LY96: variants seen among roughly 807,000 people sequenced by gnomAD.
LY96 encodes myeloid differentiation protein-2.
LY96 carries 18 observed loss-of-function variants against 18.9 expected under a neutral mutation model. The observed-to-expected ratio is 0.95, with a 90% CI of 0.66 to 1.41. LY96 has a LOEUF of 1.41. LY96 is among the 40% of genes most tolerant of loss of function. The probability of loss-of-function intolerance (pLI) is 0.00; values close to 1 mark genes in which losing one functional copy is unlikely to be tolerated. For synonymous variants in LY96, 66 were observed against 62.6 expected, an observed-to-expected ratio of 1.06 and a Z score of -0.26; for missense variants, 175 against 182.4, an observed-to-expected ratio of 0.96 and a Z score of 0.23.
chr8:74,000,142 A>G (rs1485260750), intron 1 of LY96, among the ~76,000 whole-genome samples: 1 of 152,112 alleles, frequency 6.6e-6, no homozygotes, highest in Non-Finnish European at 1.5e-5. Flanking sequence ...TCATTCTCCC[A>G]TTGTCTTGAT....
chr8:74,083,691 C>A, the LY96 span, among the ~76,000 whole-genome samples: 1 of 151,994 alleles, frequency 6.6e-6, no homozygotes, highest in Non-Finnish European at 1.5e-5. Flanking sequence ...CCACTTAAAT[C>A]TTTTCTTTCT....
chr8:74,057,046 T>A, the LY96 span, among the ~76,000 whole-genome samples: 1 of 152,174 alleles, frequency 6.6e-6, no homozygotes, highest in South Asian at 2.1e-4. Flanking sequence ...AAGCACAGAC[T>A]CCTAGCTAAC....
At chr8:74,058,791 A>T in the LY96 span, among the ~76,000 whole-genome samples, 1 of 152,180 alleles carries the variant, frequency 6.6e-6, no homozygotes, top group African/African-American at 2.4e-5. Context: ...AAGTCCTGGG[A>T]TTACAGGCAT....
intron 3 of LY96, among the ~76,000 whole-genome samples, chr8:74,026,345 C>T (rs575199814): frequency 3.9e-5 from 6 of 152,372 alleles, no homozygotes; most frequent in South Asian, 2.1e-4. Flanking sequence ...CTAACTTGAG[C>T]TTCTCAGTGG....
the LY96 span, among the ~76,000 whole-genome samples, chr8:74,039,992 G>T: frequency 1.5e-4 from 23 of 152,136 alleles, no homozygotes; most frequent in Admixed American, 1.4e-3. Context: ...TAAGTAATGG[G>T]TGTCTTCCCA....
chr8:74,083,763 C>T, the LY96 span, among the ~76,000 whole-genome samples: 7 of 152,232 alleles, frequency 4.6e-5, no homozygotes, highest in African/African-American at 1.4e-4. Context: ...AAAATCACTG[C>T]TCACTGCAGC....
intron 3 of LY96, among the ~76,000 whole-genome samples, chr8:74,020,262 C>T (rs999297905): frequency 1.3e-5 from 2 of 152,096 alleles, no homozygotes; most frequent in Admixed American, 1.3e-4. Context: ...ACAAGCATTC[C>T]TATACACCAA....
intron 2 of LY96, among the ~76,000 whole-genome samples, chr8:74,006,314 C>T (rs2131264542): frequency 6.6e-6 from 1 of 152,244 alleles, no homozygotes; most frequent in South Asian, 2.1e-4. Flanking sequence ...TCTCCTGCCT[C>T]AGCCTCCCGG....
chr8:74,001,659 C>T (rs1357279893), intron 1 of LY96, among the ~76,000 whole-genome samples: 2 of 151,686 alleles, frequency 1.3e-5, no homozygotes, highest in Non-Finnish European at 2.9e-5. Flanking sequence ...CAAGACCAGC[C>T]TGGGCAACAT....
chr8:74,035,193 T>C, the LY96 span, among the ~76,000 whole-genome samples: 2 of 152,328 alleles, frequency 1.3e-5, no homozygotes, highest in East Asian at 3.9e-4. Context: ...TCCCTTTGGC[T>C]TTTTGTTTAT....
chr8:74,029,722 C>A (rs565744971), downstream of LY96, among the ~76,000 whole-genome samples: 72 of 152,242 alleles, frequency 4.7e-4, 1 homozygote, highest in East Asian at 7.5e-3. Flanking sequence ...TGCAGTGGCA[C>A]CATCTCGGCT....
the LY96 span, among the ~76,000 whole-genome samples, chr8:74,081,134 C>A: frequency 3.4e-5 from 3 of 87,414 alleles, no homozygotes; most frequent in Admixed American, 3.8e-4. Flanking sequence ...TCCTTCCTTC[C>A]TTCCTTCCTT....
At chr8:74,031,648 A>G (rs1185331614), downstream of LY96, among the ~76,000 whole-genome samples, 1 of 152,010 alleles carries the variant, frequency 6.6e-6, no homozygotes, top group African/African-American at 2.4e-5. Flanking sequence ...AAAAAAAAAA[A>G]AGTAATTTTT....
At chr8:74,008,922 A>C (rs1164625637) in intron 2 of LY96, among the ~76,000 whole-genome samples, 1 of 152,202 alleles carries the variant, frequency 6.6e-6, no homozygotes, top group African/African-American at 2.4e-5. Flanking sequence ...GAGTGGTTGC[A>C]CCAACACCAA....
Position 73,991,450 on chromosome 8 carries a change from C to T in LY96, c.8C>T (p.Pro3Leu). ML[P>L]FLFFSTLFSS... ...CTTTGGAGATATTGAATCATGTTAC[C>T]ATTTCTGTTTTTTTCCACCCTGTTT... Residue 3 changes from proline (P) to leucine (L), a missense_variant, in exon 1 of 5, where the codon CCA (proline) becomes CTA (leucine). Pro to Leu is a moderately conservative substitution (Grantham distance 98). Transcript: ENST00000284818. 6.3e-7 allele frequency: 1 copy of T among 1,583,228 alleles called. No homozygotes were observed. The highest frequency in any genetic ancestry group is 8.7e-7 in the Non-Finnish European group (1 of 1,152,242).
chr8:74,081,777 C>T, the LY96 span, among the ~76,000 whole-genome samples: 1 of 152,124 alleles, frequency 6.6e-6, no homozygotes, highest in Non-Finnish European at 1.5e-5. Context: ...CCTCAGCCTC[C>T]TGAGTAGCTG....
chr8:74,036,354 G>T, the LY96 span, among the ~76,000 whole-genome samples: 1 of 152,180 alleles, frequency 6.6e-6, no homozygotes, highest in Non-Finnish European at 1.5e-5. Flanking sequence ...GAGGTCACAA[G>T]ATAGGTGTAG....
At chr8:74,094,255 A>ATG in the LY96 span, among the ~76,000 whole-genome samples, 1,389 of 149,744 alleles carry the variant, frequency 9.3e-3, 4 homozygotes, top group South Asian at 0.041. Context: ...GGGTGTGTGT[A>ATG]TGTGTGTGTG....
At chr8:74,051,056 A>G in the LY96 span, among the ~76,000 whole-genome samples, 7 of 152,208 alleles carry the variant, frequency 4.6e-5, no homozygotes. Context: ...CCCATAAGAT[A>G]CTATTAGTAA....
Sources: allele counts gnomAD v4.1 joint callset (sites outside exome capture counted in the v4.1 genomes callset), GRCh38; gene constraint gnomAD v4.1.1; transcripts MANE v1.5; gene names NCBI Gene and HGNC (gene_info 2026-07-23, HGNC 2026-07-21).